Variants in CTNNA2 observed in about 807,000 individuals in gnomAD.
The protein encoded by CTNNA2 is catenin alpha-2.
Under a neutral mutation model 101.0 loss-of-function variants are expected in CTNNA2, and 42 were observed. The observed-to-expected ratio is 0.42, with a 90% CI of 0.32 to 0.54. The LOEUF (loss-of-function observed/expected upper bound fraction) is 0.54. Ranked by LOEUF, CTNNA2 falls within the 20% of genes least tolerant of loss-of-function variation. The pLI is 0.14. For synonymous variants in CTNNA2, 450 were observed against 456.4 expected (o/e 0.99, Z 0.18); for missense variants, 871 against 1,223.1 (o/e 0.71, Z 4.29).
intron 7 of CTNNA2, among the ~76,000 whole-genome samples, chr2:80,064,592 G>T (rs1157638147): frequency 6.6e-6 from 1 of 152,200 alleles, no homozygotes; most frequent in Non-Finnish European, 1.5e-5. Flanking sequence ...GTTAAAGTTG[G>T]CCTAGTCGCA....
At chr2:79,554,656 A>C (rs1243582823) in intron 1 of CTNNA2, among the ~76,000 whole-genome samples, 1 of 152,154 alleles carries the variant, frequency 6.6e-6, no homozygotes, top group East Asian at 1.9e-4. Context: ...GAAAAAGTGA[A>C]AAATAGATCA....
upstream of CTNNA2, among the ~76,000 whole-genome samples, chr2:79,508,997 AT>A (rs1671476675): frequency 5.3e-5 from 7 of 131,088 alleles, no homozygotes; most frequent in African/African-American, 1.2e-4. Flanking sequence ...ATATATATAT[AT>A]ATATATATAT....
intron 7 of CTNNA2, among the ~76,000 whole-genome samples, chr2:80,095,602 A>G (rs368342013): frequency 1.1e-4 from 16 of 152,182 alleles, no homozygotes; most frequent in East Asian, 3.9e-4. Flanking sequence ...TTGTACCTCT[A>G]GTAGAATTTG....
intron 7 of CTNNA2, among the ~76,000 whole-genome samples, chr2:80,194,757 C>A (rs368793145): frequency 6.7e-6 from 1 of 149,188 alleles, no homozygotes; most frequent in South Asian, 2.1e-4. Context: ...TAAATTAATT[C>A]TATTAATATA....
At chr2:80,413,437 A>C (rs1679768115) in intron 8 of CTNNA2, among the ~76,000 whole-genome samples, 1 of 152,204 alleles carries the variant, frequency 6.6e-6, no homozygotes, top group African/African-American at 2.4e-5. Context: ...AACCATGATT[A>C]TTCTTTAAAT....
intron 15 of CTNNA2, chr2:80,603,680 T>C (rs1697753113): frequency 6.3e-6 from 1 of 159,294 alleles, no homozygotes; most frequent in Non-Finnish European, 1.4e-5. Flanking sequence ...TTTGGGCTCA[T>C]TTTATTTTCT....
chr2:79,892,292 T>C (rs1684365548), intron 6 of CTNNA2, among the ~76,000 whole-genome samples: 1 of 152,176 alleles, frequency 6.6e-6, no homozygotes, highest in South Asian at 2.1e-4. Flanking sequence ...TGGAAGGCTA[T>C]GTATAACAAA....
intron 18 of CTNNA2, among the ~76,000 whole-genome samples, chr2:80,645,647 C>T (rs1403874089): frequency 1.3e-5 from 2 of 151,900 alleles, no homozygotes; most frequent in South Asian, 2.1e-4. Flanking sequence ...GATGCTGTTG[C>T]ACCTCAGGGA....
chr2:79,235,944 G>A (rs1189035238), intron 2 of CTNNA2, among the ~76,000 whole-genome samples: 1 of 152,200 alleles, frequency 6.6e-6, no homozygotes, highest in African/African-American at 2.4e-5. Flanking sequence ...CCCACTGGCT[G>A]AGTTTAGGCA....
At chr2:80,195,245 G>T (rs541887455) in intron 7 of CTNNA2, among the ~76,000 whole-genome samples, 1 of 152,200 alleles carries the variant, frequency 6.6e-6, no homozygotes, top group Non-Finnish European at 1.5e-5. Flanking sequence ...AGGACTATAA[G>T]CATGTTTACA....
intron 3 of CTNNA2, among the ~76,000 whole-genome samples, chr2:79,769,106 C>T (rs1178025313): frequency 2.0e-5 from 3 of 152,118 alleles, no homozygotes; most frequent in South Asian, 2.1e-4. Context: ...CCGCCCGGCT[C>T]GGCCTCCCAA....
chr2:80,577,550 A>G (rs1695161503), intron 13 of CTNNA2, among the ~76,000 whole-genome samples: 1 of 152,094 alleles, frequency 6.6e-6, no homozygotes, highest in African/African-American at 2.4e-5. Flanking sequence ...CCTTAAAAGG[A>G]CCACCATGGC....
intron 11 of CTNNA2, among the ~76,000 whole-genome samples, chr2:80,550,379 G>A (rs112963760): frequency 0.019 from 2,953 of 152,242 alleles, 94 homozygotes; most frequent in African/African-American, 0.067. Context: ...GAAGGATGGC[G>A]TGGCTGTGGC....
At chr2:80,265,966 G>C (rs1408214593) in intron 7 of CTNNA2, among the ~76,000 whole-genome samples, 1 of 152,196 alleles carries the variant, frequency 6.6e-6, no homozygotes, top group Non-Finnish European at 1.5e-5. Flanking sequence ...ATTTGGATGT[G>C]TTAAACTGTC....
chr2:80,049,931 C>G (rs1235840077), intron 7 of CTNNA2, among the ~76,000 whole-genome samples: 2 of 152,158 alleles, frequency 1.3e-5, no homozygotes, highest in Non-Finnish European at 2.9e-5. Flanking sequence ...CCTCTAAAGA[C>G]CAACCTGCTG....
intron 11 of CTNNA2, among the ~76,000 whole-genome samples, chr2:80,552,564 G>A (rs917937214): frequency 1.2e-4 from 19 of 152,144 alleles, no homozygotes; most frequent in Non-Finnish European, 2.2e-4. Flanking sequence ...ATTATATGTT[G>A]CTTGACGACA....
At chr2:80,071,055 CACTT>C (rs1307762370) in intron 7 of CTNNA2, among the ~76,000 whole-genome samples, 3 of 152,284 alleles carry the variant, frequency 2.0e-5, no homozygotes, top group East Asian at 3.9e-4. Flanking sequence ...AATCAGGTAA[CACTT>C]ACAGGCTCCA....
At chr2:80,121,548 A>G (rs1287999663) in intron 7 of CTNNA2, among the ~76,000 whole-genome samples, 1 of 152,276 alleles carries the variant, frequency 6.6e-6, no homozygotes, top group Non-Finnish European at 1.5e-5. Context: ...AAAGTATTGA[A>G]AAGGACCTAA....
At chr2:79,317,510 A>ATACTAGTAACATT (rs1676524459) in intron 3 of CTNNA2, among the ~76,000 whole-genome samples, 1 of 152,056 alleles carries the variant, frequency 6.6e-6, no homozygotes, top group African/African-American at 2.4e-5. Flanking sequence ...AAAGACTTAC[A>ATACTAGTAACATT]TACTAGTAAC....
Sources: allele counts gnomAD v4.1 joint callset (sites outside exome capture counted in the v4.1 genomes callset), GRCh38; gene constraint gnomAD v4.1.1; transcripts MANE v1.5; gene names NCBI Gene and HGNC (gene_info 2026-07-23, HGNC 2026-07-21).